Variants in PAM observed in about 807,000 individuals in gnomAD.
The protein encoded by PAM is peptidylglycine alpha-amidating monooxygenase.
Under a neutral mutation model 122.1 loss-of-function variants are expected in PAM, and 72 were observed. The ratio of observed to expected loss-of-function variants is 0.59; its 90% CI spans 0.49 to 0.72. The LOEUF (loss-of-function observed/expected upper bound fraction) is 0.72. PAM is among the 30% of genes least tolerant of loss of function. PAM has a pLI of 0.00. For synonymous variants in PAM, 389 were observed against 404.4 expected, an observed-to-expected ratio of 0.96 and a Z score of 0.46; for missense variants, 1,106 against 1,183.7, an observed-to-expected ratio of 0.93 and a Z score of 0.96.
At chr5:102,797,270 T>C (rs944997614) in intron 1 of PAM, among the ~76,000 whole-genome samples, 21 of 152,172 alleles carry the variant, frequency 1.4e-4, no homozygotes, top group African/African-American at 4.3e-4. Context: ...TTCATTTCTC[T>C]CATAATAGAC....
At chr5:102,842,261 T>C (rs1778850520) in intron 1 of PAM, among the ~76,000 whole-genome samples, 3 of 151,436 alleles carry the variant, frequency 2.0e-5, no homozygotes, top group Middle Eastern at 3.2e-3. Flanking sequence ...GAAAAGAGAC[T>C]GAAGAATATT....
chr5:102,867,203 C>A, intron 2 of PAM, 70 bp from the exon 3 acceptor site: 1 of 1,059,204 alleles, frequency 9.4e-7, no homozygotes, highest in South Asian at 1.4e-5. Flanking sequence ...GAATTCCTTT[C>A]TTTCCCCTTC....
At chr5:102,966,767 A>C (rs1764202970) in intron 14 of PAM, among the ~76,000 whole-genome samples, 1 of 152,122 alleles carries the variant, frequency 6.6e-6, no homozygotes, top group Non-Finnish European at 1.5e-5. Flanking sequence ...ATATTTTGTC[A>C]GTGGCTAAAC....
intron 5 of PAM, among the ~76,000 whole-genome samples, chr5:102,915,216 T>C (rs1802742277): frequency 6.6e-6 from 1 of 152,114 alleles, no homozygotes; most frequent in Admixed American, 6.6e-5. Flanking sequence ...TACATAATCA[T>C]GTAGACTGAT....
At chr5:102,964,795 A>T (rs1763562339) in intron 14 of PAM, among the ~76,000 whole-genome samples, 1 of 151,808 alleles carries the variant, frequency 6.6e-6, no homozygotes, top group Non-Finnish European at 1.5e-5. Flanking sequence ...AGCCCTTTTT[A>T]AAAAATATAC....
chr5:102,891,244 C>G (rs1581390958), intron 3 of PAM, among the ~76,000 whole-genome samples: 1 of 151,832 alleles, frequency 6.6e-6, no homozygotes, highest in African/African-American at 2.4e-5. Context: ...GGCGTCACCC[C>G]TTAAAACACA....
chr5:102,793,645 T>G (rs924513098), intron 1 of PAM, among the ~76,000 whole-genome samples: 6 of 152,216 alleles, frequency 3.9e-5, no homozygotes, highest in African/African-American at 1.4e-4. Context: ...AAGTACTGGT[T>G]TTTTTCAAAG....
chr5:102,860,779 G>A (rs1228174765), intron 1 of PAM, among the ~76,000 whole-genome samples: 2 of 152,052 alleles, frequency 1.3e-5, no homozygotes, highest in African/African-American at 4.8e-5. Flanking sequence ...ACAGCTGGAA[G>A]ACATCAATTT....
intron 16 of PAM, among the ~76,000 whole-genome samples, chr5:102,993,242 T>A (rs1774692023): frequency 6.6e-6 from 1 of 152,116 alleles, no homozygotes; most frequent in Admixed American, 6.6e-5. Context: ...AAAGAGTCTC[T>A]TGTCTGCCCT....
At chr5:102,834,568 A>T (rs1776381929) in intron 1 of PAM, among the ~76,000 whole-genome samples, 1 of 152,202 alleles carries the variant, frequency 6.6e-6, no homozygotes, top group South Asian at 2.1e-4. Flanking sequence ...ACACTTTTAA[A>T]TAATGAGGTC....
intron 1 of PAM, among the ~76,000 whole-genome samples, chr5:102,842,804 A>T (rs1221292080): frequency 6.6e-6 from 1 of 152,208 alleles, no homozygotes; most frequent in Non-Finnish European, 1.5e-5. Flanking sequence ...GAAAAAGCAA[A>T]GAATTAATGC....
At chr5:102,973,283 G>A (rs751360043) in intron 14 of PAM, among the ~76,000 whole-genome samples, 2 of 152,140 alleles carry the variant, frequency 1.3e-5, no homozygotes, top group Non-Finnish European at 2.9e-5. Context: ...TGAAGTCATC[G>A]TGGAAATGAT....
chr5:102,983,928 A>G (rs565786573), intron 15 of PAM, among the ~76,000 whole-genome samples: 4 of 152,248 alleles, frequency 2.6e-5, no homozygotes, highest in Non-Finnish European at 4.4e-5. Context: ...CAAGAATACT[A>G]TTCCCAGCAA....
chr5:102,782,721 CTCTCTG>C (rs1469674919), intron 1 of PAM, among the ~76,000 whole-genome samples: 9 of 144,910 alleles, frequency 6.2e-5, no homozygotes, highest in African/African-American at 2.2e-4. Context: ...CTCTCTCTCT[CTCTCTG>C]TGTGTGTGTG....
chr5:103,011,966 A>T (rs1780757442), intron 21 of PAM, among the ~76,000 whole-genome samples: 1 of 152,188 alleles, frequency 6.6e-6, no homozygotes, highest in Non-Finnish European at 1.5e-5. Flanking sequence ...AACTGGTGTT[A>T]GATGATATCT....
chr5:102,954,661 T>C (rs1760136764), intron 12 of PAM, among the ~76,000 whole-genome samples: 1 of 152,108 alleles, frequency 6.6e-6, no homozygotes, highest in Non-Finnish European at 1.5e-5. Context: ...CTGCATTACA[T>C]ATTTTATATT....
chr5:102,800,082 T>G (rs906723967), intron 1 of PAM, among the ~76,000 whole-genome samples: 8 of 152,250 alleles, frequency 5.3e-5, no homozygotes, highest in African/African-American at 1.9e-4. Context: ...GTATCTAAAC[T>G]TATTGTACTC....
chr5:102,963,794 A>G (rs1014317537), intron 14 of PAM, among the ~76,000 whole-genome samples: 2 of 151,558 alleles, frequency 1.3e-5, no homozygotes, highest in African/African-American at 4.8e-5. Context: ...GGTTAATACT[A>G]TATATAGTGT....
chr5:102,950,732 G>C lies in PAM; in HGVS notation c.817G>C (p.Gly273Arg). ...PQLPQAFYPV[G>R]HPVDVSFGDL... ...TTTTTGGTAGGCTTTCTACCCTGTG[G>C]GGCATCCAGTTGATGTAAGTTTTGG... Residue 273 changes from glycine to arginine, a missense_variant, in exon 12 of 26, where the codon GGG becomes CGG. Gly to Arg is a moderately radical substitution (Grantham distance 125, BLOSUM62 -2). This residue lies in a region of PAM where 670 missense variants were observed against 690.3 expected (regional missense o/e 0.97). Transcript: ENST00000438793. 1 of 1,606,578 alleles carries C rather than the reference G, an allele frequency of 6.2e-7. No homozygotes were observed. The highest frequency in any genetic ancestry group is 8.5e-7 in the Non-Finnish European group (1 of 1,173,680).
Sources: gnomAD v4.1 joint callset for allele counts (sites outside exome capture counted in the v4.1 genomes callset) on GRCh38, gnomAD v4.1.1 for gene constraint, gnomAD v4.1.1 regional missense constraint, MANE v1.5 for transcripts, NCBI Gene and HGNC (gene_info 2026-07-23, HGNC 2026-07-21) for gene names.